BUB1B: variants seen among roughly 807,000 people sequenced by gnomAD.
BUB1B encodes mitotic checkpoint serine/threonine-protein kinase BUB1 beta.
A neutral mutation model predicts 137.7 loss-of-function variants in BUB1B; 86 were observed. That is an observed-to-expected ratio of 0.62 (90% CI 0.52 to 0.75). BUB1B has a LOEUF of 0.75. Ranked by LOEUF, BUB1B falls within the 30% of genes least tolerant of loss-of-function variation. The pLI is 0.00. For missense variants in BUB1B, 1,130 were observed against 1,236.9 expected (o/e 0.91, Z 1.30); for synonymous variants, 420 against 417.9 (o/e 1.00, Z -0.06).
In BUB1B at chr15:40,180,569, ATTTCT is replaced by A. The variant is rs913978300; in HGVS notation, c.582-3137_582-3133del. Among the ~76,000 whole-genome samples the A allele has an allele frequency of 2.9e-5, 4 of 137,876 alleles. No homozygotes were observed. The Admixed American group carries it at 2.9e-4, about 10-fold the overall frequency. The allele number at this position is 137,876 out of a possible 152,430, so 90.5% of individuals were successfully genotyped here. A position where few individuals can be genotyped will look rare whatever the true frequency, so the allele number is the denominator to read the frequency against. On this transcript the variant is annotated intron_variant, in intron 5 of 22. Transcript: ENST00000287598. Reference sequence around the variant, plus strand: ...GCATGAGCCACTGTACCCAGCCAACATTTCTTTTCTTTCACCACTTTAATGATGTT... The same window carrying A: ...GCATGAGCCACTGTACCCAGCCAACATTTCTTTCACCACTTTAATGATGTT...
chr15:40,209,650 C>G lies in BUB1B; in HGVS notation c.2159C>G (p.Ser720Ter). The G allele has an allele frequency of 3.7e-6, 6 of 1,614,106 alleles. No homozygotes were observed. Among genetic ancestry groups the G allele is most frequent in the Non-Finnish European group, 4.2e-6 (5 of 1,180,026 alleles). Residue 720 changes from serine to a stop codon, truncating the protein, a stop_gained, in exon 17 of 23, where the codon TCA becomes TGA. Coordinates refer to ENST00000287598, the MANE Select transcript of BUB1B (RefSeq NM_001211.6). LOFTEE classifies it high-confidence loss of function. ...CCACTGGCAGAAAACCCTACTCAGTCACCATGGTGTTCACAGTATCGCAGA... is the reference window on the plus strand; with the variant it reads ...CCACTGGCAGAAAACCCTACTCAGTGACCATGGTGTTCACAGTATCGCAGA... ...TNETSENPTQ[S>*]PWCSQYRRQL... is the part of the protein sequence containing the mutation.
chr15:40,202,284 A>G, intron 12 of BUB1B, 121 bp from the exon 13 acceptor site: 1 of 814,776 alleles, frequency 1.2e-6, no homozygotes, highest in Non-Finnish European at 2.0e-6. Flanking sequence ...GCTTTTTGTT[A>G]TTAAAAAAAC....
intron 9 of BUB1B, among the ~76,000 whole-genome samples, chr15:40,197,426 G>C (rs938656374): frequency 6.6e-6 from 1 of 152,150 alleles, no homozygotes; most frequent in Non-Finnish European, 1.5e-5. Context: ...GGAAAGTAGG[G>C]AAGTAAGGCA....
chr15:40,217,276 T>C (rs1251987386), intron 20 of BUB1B: 7 of 576,244 alleles, frequency 1.2e-5, no homozygotes, highest in East Asian at 3.0e-5. Flanking sequence ...TGCACCGTGA[T>C]TGAAATATAC....
rs774346563 is a variant in BUB1B, at chr15:40,183,795, A to G, written c.663A>G (p.Val221=). The change falls in exon 6 of 23, where the codon GTA becomes GTG. Residue 221 remains valine (V), a synonymous_variant. Transcript: ENST00000287598. ...AGGAGGAAGTTTTTGAGTCTTCTGT[A>G]CCACAACGAAGCACACTAGCTGAAC... ...EEEEEVFESS[V]PQRSTLAELK... 1.1e-5 allele frequency: 17 copies of G among 1,614,136 alleles called. No homozygotes were observed. Among genetic ancestry groups the G allele is most frequent in the Non-Finnish European group, 1.4e-5 (17 of 1,179,996 alleles).
At chr15:40,198,239 G>GT (rs35740616) in intron 9 of BUB1B, among the ~76,000 whole-genome samples, 63,763 of 146,064 alleles carry the variant, frequency 0.44, 14,047 homozygotes, top group East Asian at 0.68. Context: ...TTTCTATTGT[G>GT]TTTTTTTTTT....
intron 12 of BUB1B, among the ~76,000 whole-genome samples, chr15:40,201,797 G>A (rs1309537183): frequency 6.6e-6 from 1 of 152,002 alleles, no homozygotes; most frequent in Non-Finnish European, 1.5e-5. Flanking sequence ...CTCCCGACTA[G>A]CTGGGACTAC....
chr15:40,175,822 T>A (rs2037217171), intron 4 of BUB1B, among the ~76,000 whole-genome samples: 2 of 152,216 alleles, frequency 1.3e-5, no homozygotes, highest in Admixed American at 6.5e-5. Context: ...ACATAACTTT[T>A]AATTTTCTGT....
At chr15:40,206,063 C>A in intron 14 of BUB1B, 121 bp from the exon 15 acceptor site, 1 of 1,007,128 alleles carries the variant, frequency 9.9e-7, no homozygotes, top group Non-Finnish European at 1.5e-6. Flanking sequence ...TTATATTTGC[C>A]TAGATATTCT....
At chr15:40,177,239 A>G (rs1268225525) in intron 5 of BUB1B, among the ~76,000 whole-genome samples, 1 of 152,204 alleles carries the variant, frequency 6.6e-6, no homozygotes, top group Non-Finnish European at 1.5e-5. Context: ...AAAGAAGTCT[A>G]ATTTACAAGT....
chr15:40,219,112 A>G (rs958945431), intron 22 of BUB1B, among the ~76,000 whole-genome samples: 1 of 152,000 alleles, frequency 6.6e-6, no homozygotes, highest in African/African-American at 2.4e-5. Context: ...CGGTTTCACT[A>G]CGTTGGCCAG....
chr15:40,210,204 A>G lies in BUB1B; in HGVS notation c.2379A>G (p.Val793=). Residue 793 remains valine (V), a synonymous_variant, in exon 18 of 23, where the codon GTA becomes GTG. Coordinates refer to ENST00000287598, the MANE Select transcript of BUB1B (RefSeq NM_001211.6). ...VAPRNSAELT[V]IKVSSQPVPW... ...CAAGAAACTCTGCAGAATTAACAGT[A>G]ATAAAGGTGGGACTGATTCTTTATA... 1 of 1,595,278 alleles carries G rather than the reference A, an allele frequency of 6.3e-7. No individual in the cohort carries two copies. Among genetic ancestry groups the G allele is most frequent in the Non-Finnish European group, 8.6e-7 (1 of 1,163,122 alleles).
chr15:40,161,118 C>A lies in BUB1B; in HGVS notation c.-103C>A, dbSNP rs1420473783. The A allele has an allele frequency of 1.2e-5, 18 of 1,472,452 alleles. No individual in the cohort carries two copies. The highest frequency in any genetic ancestry group is 2.5e-5 in the South Asian group (2 of 78,606). The allele number at this position is 1,472,452 out of a possible 1,614,324, so 91.2% of individuals were successfully genotyped here. ...TAGGGAGTCGTGTACGTGCCTTGGT[C>A]GCTTCTGTAGCTCCGAGGGCAGGTT... On this transcript the variant is annotated 5_prime_UTR_variant, in exon 1 of 23. Coordinates refer to ENST00000287598, the MANE Select transcript of BUB1B (RefSeq NM_001211.6).
intron 4 of BUB1B, 40 bp from the exon 5 acceptor site, chr15:40,176,437 G>A (rs371524191): frequency 2.3e-5 from 36 of 1,578,452 alleles, no homozygotes; most frequent in African/African-American, 4.1e-5. Flanking sequence ...CATTCAATAC[G>A]TGAGTAGAAA....
At chr15:40,213,956 T>C (rs1045494138) in intron 20 of BUB1B, among the ~76,000 whole-genome samples, 2 of 152,274 alleles carry the variant, frequency 1.3e-5, no homozygotes, top group Non-Finnish European at 1.5e-5. Flanking sequence ...TTCAAAGAAA[T>C]AAACACATTG....
intron 2 of BUB1B, among the ~76,000 whole-genome samples, chr15:40,167,175 G>GT (rs1424306313): frequency 6.8e-6 from 1 of 148,044 alleles, no homozygotes; most frequent in Non-Finnish European, 1.5e-5. Flanking sequence ...TATTTTCTGG[G>GT]TGTTTTTTTT....
In BUB1B at chr15:40,185,649, G is replaced by T. The variant is rs904070234; in HGVS notation, c.1058+7G>T. On this transcript the variant is annotated splice_region_variant and intron_variant, in intron 8 of 22. Transcript: ENST00000287598. Reference sequence around the variant, plus strand: ...CTGCACGACAGCCAGTTATGTGAGTGTGGTTTTTGGATATTTTGAAGTGGG... The same window carrying T: ...CTGCACGACAGCCAGTTATGTGAGTTTGGTTTTTGGATATTTTGAAGTGGG... The T allele has an allele frequency of 1.4e-5, 22 of 1,610,032 alleles. 1 individual carries two copies. Among genetic ancestry groups the T allele is most frequent in the Non-Finnish European group, 1.9e-5 (22 of 1,176,384 alleles).
chr15:40,166,654 C>T (rs1364124862), intron 2 of BUB1B, among the ~76,000 whole-genome samples: 3 of 152,206 alleles, frequency 2.0e-5, no homozygotes, highest in Non-Finnish European at 4.4e-5. Flanking sequence ...ACATAATTTT[C>T]ATTTCCCTTG....
intron 8 of BUB1B, among the ~76,000 whole-genome samples, chr15:40,195,207 C>T (rs1217084987): frequency 6.6e-6 from 1 of 152,022 alleles, no homozygotes; most frequent in African/African-American, 2.4e-5. Flanking sequence ...TAGCTTAGCT[C>T]CCACTTATAA....
Sources: allele counts gnomAD v4.1 joint callset (sites outside exome capture counted in the v4.1 genomes callset), GRCh38; gene constraint gnomAD v4.1.1; transcripts MANE v1.5; gene names NCBI Gene and HGNC (gene_info 2026-07-23, HGNC 2026-07-21).